PRKCE: variants seen among roughly 807,000 people sequenced by gnomAD.
PRKCE encodes the protein protein kinase C epsilon type.
A neutral mutation model predicts 85.4 loss-of-function variants in PRKCE; 16 were observed. The observed-to-expected ratio is 0.19, with a 90% CI of 0.13 to 0.28. The LOEUF is 0.28. Ranked by LOEUF, PRKCE falls within the 10% of genes least tolerant of loss-of-function variation. PRKCE has a pLI of 1.00. For synonymous variants in PRKCE, 388 were observed against 371.5 expected, an observed-to-expected ratio of 1.04 and a Z score of -0.51; for missense variants, 573 against 975.2, an observed-to-expected ratio of 0.59 and a Z score of 5.49.
chr2:46,147,131 T>C (rs1676145096), intron 12 of PRKCE, among the ~76,000 whole-genome samples: 1 of 152,202 alleles, frequency 6.6e-6, no homozygotes, highest in African/African-American at 2.4e-5. Flanking sequence ...TTAGAACCTT[T>C]ATCTTCTAAG....
intron 1 of PRKCE, among the ~76,000 whole-genome samples, chr2:45,678,779 C>T (rs1277532204): frequency 6.6e-6 from 1 of 151,800 alleles, no homozygotes; most frequent in African/African-American, 2.4e-5. Context: ...TTTTAGAAGT[C>T]ATGGGAAGAG....
intron 2 of PRKCE, among the ~76,000 whole-genome samples, chr2:45,854,610 A>C (rs943402211): frequency 5.3e-5 from 8 of 152,252 alleles, no homozygotes; most frequent in African/African-American, 1.2e-4. Context: ...CAAGGAAAGC[A>C]TTAAGAGGCG....
At chr2:46,051,001 C>T (rs908475109) in intron 10 of PRKCE, among the ~76,000 whole-genome samples, 1 of 152,162 alleles carries the variant, frequency 6.6e-6, no homozygotes, top group Non-Finnish European at 1.5e-5. Flanking sequence ...CTCTCCCACT[C>T]CCTCACCCCC....
intron 2 of PRKCE, among the ~76,000 whole-genome samples, chr2:45,872,705 G>A (rs768851682): frequency 6.6e-6 from 1 of 152,198 alleles, no homozygotes; most frequent in African/African-American, 2.4e-5. Flanking sequence ...TGGCTCCAAG[G>A]TATTTGTTCT....
intron 2 of PRKCE, among the ~76,000 whole-genome samples, chr2:45,894,791 T>C (rs562470103): frequency 3.4e-4 from 52 of 152,276 alleles, no homozygotes; most frequent in African/African-American, 1.2e-3. Flanking sequence ...GACGCGATCT[T>C]GGCTCACTGC....
chr2:45,828,861 C>T (rs1410569897), intron 1 of PRKCE, among the ~76,000 whole-genome samples: 1 of 151,962 alleles, frequency 6.6e-6, no homozygotes, highest in African/African-American at 2.4e-5. Context: ...AAAATTATTC[C>T]ACTATTCCAC....
At chr2:45,822,038 G>C (rs1361034371) in intron 1 of PRKCE, among the ~76,000 whole-genome samples, 1 of 152,118 alleles carries the variant, frequency 6.6e-6, no homozygotes, top group Non-Finnish European at 1.5e-5. Context: ...AGCCGGCTTC[G>C]GCTGAAGGGC....
At chr2:45,772,745 C>T (rs73926077) in intron 1 of PRKCE, among the ~76,000 whole-genome samples, 81 of 152,142 alleles carry the variant, frequency 5.3e-4, no homozygotes, top group African/African-American at 1.8e-3. Context: ...TTCTAAGGAG[C>T]AAGCTCTGCA....
rs936736847 is a variant in PRKCE, at chr2:45,958,208, A to G, written c.413-18221A>G. ...AGGCCCGCAAAAAAAAAAAAAAAAA[A>G]AAAAAGAAAAAGAAAATTGGGCCAG... On this transcript the variant is annotated intron_variant, in intron 2 of 14. Coordinates refer to ENST00000306156, the MANE Select transcript of PRKCE (RefSeq NM_005400.3). 2.7e-4 allele frequency among the ~76,000 whole-genome samples: 39 copies of G among 144,272 alleles called. 1 individual carries two copies. Among genetic ancestry groups the G allele is most frequent in the Admixed American group, 4.8e-4 (7 of 14,644 alleles). 94.6% of individuals were successfully genotyped at this position (144,272 alleles called of 152,430 possible).
chr2:45,875,071 G>A (rs955502568), intron 2 of PRKCE, among the ~76,000 whole-genome samples: 21 of 152,100 alleles, frequency 1.4e-4, no homozygotes, highest in African/African-American at 4.3e-4. Context: ...CCCACCAGGT[G>A]CCTCCAGTCT....
At chr2:46,045,617 G>A (rs894048463) in intron 10 of PRKCE, among the ~76,000 whole-genome samples, 5 of 152,176 alleles carry the variant, frequency 3.3e-5, no homozygotes, top group Non-Finnish European at 4.4e-5. Flanking sequence ...GGTCACTCTC[G>A]CCTGTAATCC....
intron 1 of PRKCE, among the ~76,000 whole-genome samples, chr2:45,741,067 T>A (rs529948482): frequency 2.0e-5 from 3 of 152,346 alleles, no homozygotes; most frequent in Non-Finnish European, 4.4e-5. Flanking sequence ...TGCTCACCAG[T>A]TGCTAAAATT....
rs977997211 is a variant in PRKCE, at chr2:46,001,332, C to A, written c.824-72C>A. ...TGTAATACTTCATGAACATATAATA[C>A]AATCTCAAAGAAAAGAAGCAACATC... On this transcript the variant is annotated intron_variant, in intron 6 of 14. Transcript: ENST00000306156. This position sits in a 1 kb window ranked among gnomAD's most constrained non-coding sequence, Gnocchi z 4.4. The A allele has an allele frequency of 1.9e-5, 27 of 1,428,502 alleles. No individual in the cohort carries two copies. The highest frequency in any genetic ancestry group is 4.2e-5 in the Admixed American group (2 of 48,180). 88.5% of individuals were successfully genotyped at this position (1,428,502 alleles called of 1,614,324 possible). A position where few individuals can be genotyped will look rare whatever the true frequency, so the allele number is the denominator to read the frequency against.
At chr2:46,036,950 G>T (rs1207226659) in intron 10 of PRKCE, among the ~76,000 whole-genome samples, 7 of 152,212 alleles carry the variant, frequency 4.6e-5, no homozygotes, top group Admixed American at 4.6e-4. Flanking sequence ...TCTTCTCCCA[G>T]TCAGCTACCT....
chr2:45,704,557 G>C (rs1019975321), intron 1 of PRKCE, among the ~76,000 whole-genome samples: 1 of 152,192 alleles, frequency 6.6e-6, no homozygotes, highest in South Asian at 2.1e-4. Flanking sequence ...GCCTTTGTTA[G>C]AAGAGTCACT....
At chr2:45,772,241 A>G (rs1685396881) in intron 1 of PRKCE, among the ~76,000 whole-genome samples, 2 of 151,670 alleles carry the variant, frequency 1.3e-5, no homozygotes, top group African/African-American at 4.8e-5. Context: ...GGAGTTCAAG[A>G]CCAGCCTGGG....
intron 1 of PRKCE, among the ~76,000 whole-genome samples, chr2:45,715,343 G>C (rs17343478): frequency 6.6e-6 from 1 of 152,144 alleles, no homozygotes; most frequent in Non-Finnish European, 1.5e-5. Flanking sequence ...GTCTCCTTCT[G>C]TTTTGACCCC....
chr2:45,667,791 C>T (rs562385768), intron 1 of PRKCE, among the ~76,000 whole-genome samples: 2 of 150,864 alleles, frequency 1.3e-5, no homozygotes, highest in Admixed American at 6.6e-5. Context: ...TATGTTTTAA[C>T]TTCAAAAAAA....
At chr2:46,131,873 C>T (rs573206537) in intron 11 of PRKCE, among the ~76,000 whole-genome samples, 5 of 152,208 alleles carry the variant, frequency 3.3e-5, no homozygotes, top group Admixed American at 2.0e-4. Flanking sequence ...TTGAGGTTTA[C>T]AGTTACTTTC....
Sources: gnomAD v4.1 joint callset for allele counts (sites outside exome capture counted in the v4.1 genomes callset) on GRCh38, gnomAD v4.1.1 for gene constraint, Gnocchi (gnomAD v3.1) non-coding constraint, MANE v1.5 for transcripts, NCBI Gene and HGNC (gene_info 2026-07-23, HGNC 2026-07-21) for gene names.